Variants in MGMT observed in about 807,000 individuals in gnomAD.
MGMT encodes O-6-methylguanine-DNA methyltransferase, also known as methylated-DNA--protein-cysteine methyltransferase.
In MGMT, 14 loss-of-function variants were observed where a neutral mutation model predicts 15.9. The observed-to-expected ratio is 0.88, with a 90% CI of 0.58 to 1.37. The LOEUF is 1.37. MGMT is among the 40% of genes most tolerant of loss of function. MGMT has a pLI of 0.00. For synonymous variants in MGMT, 130 were observed against 118.2 expected (o/e 1.10, Z -0.65); for missense variants, 282 against 268.1 (o/e 1.05, Z -0.36).
intron 2 of MGMT, among the ~76,000 whole-genome samples, chr10:129,650,034 A>G (rs961879710): frequency 9.9e-5 from 15 of 152,192 alleles, no homozygotes; most frequent in African/African-American, 3.1e-4. Context: ...CTCACTTGAG[A>G]AATATTTTTG....
intron 2 of MGMT, among the ~76,000 whole-genome samples, chr10:129,646,318 A>T (rs889277939): frequency 6.6e-6 from 1 of 152,142 alleles, no homozygotes; most frequent in East Asian, 1.9e-4. Context: ...ACGTTGGCCT[A>T]TGAAGGAAGA....
chr10:129,621,483 G>C (rs893553500), intron 2 of MGMT, among the ~76,000 whole-genome samples: 6 of 152,226 alleles, frequency 3.9e-5, no homozygotes, highest in African/African-American at 1.4e-4. Flanking sequence ...AAAGGGCGCA[G>C]GGGGGTTTAA....
chr10:129,732,512 C>T (rs1176666911), intron 3 of MGMT, among the ~76,000 whole-genome samples: 1 of 151,442 alleles, frequency 6.6e-6, no homozygotes, highest in East Asian at 2.0e-4. Flanking sequence ...GCATGGTATT[C>T]CATAGTGTAC....
At chr10:129,645,657 C>T (rs983314373) in intron 2 of MGMT, among the ~76,000 whole-genome samples, 1 of 152,192 alleles carries the variant, frequency 6.6e-6, no homozygotes, top group African/African-American at 2.4e-5. Context: ...GGTGGTTTTC[C>T]ACTGGGTCTC....
intron 3 of MGMT, among the ~76,000 whole-genome samples, chr10:129,742,848 G>T (rs116485652): frequency 1.8e-5 from 2 of 112,282 alleles, no homozygotes; most frequent in South Asian, 3.0e-4. Flanking sequence ...CAGCAGTGCC[G>T]CACGACTGCA....
intron 1 of MGMT, among the ~76,000 whole-genome samples, chr10:129,480,882 T>C (rs1845350441): frequency 6.6e-6 from 1 of 152,254 alleles, no homozygotes; most frequent in African/African-American, 2.4e-5. Flanking sequence ...GCTTTTGTTC[T>C]AAAATGAAGT....
chr10:129,707,627 A>G (rs903307650), intron 2 of MGMT, among the ~76,000 whole-genome samples: 1 of 152,174 alleles, frequency 6.6e-6, no homozygotes, highest in Non-Finnish European at 1.5e-5. Context: ...AAGTCTTACA[A>G]AGGGACACTG....
At chr10:129,647,534 A>G (rs1847411499) in intron 2 of MGMT, among the ~76,000 whole-genome samples, 1 of 152,166 alleles carries the variant, frequency 6.6e-6, no homozygotes, top group South Asian at 2.1e-4. Flanking sequence ...AAGGGGCCAG[A>G]TACGTTTGGA....
chr10:129,706,438 G>A (rs1450532834), intron 2 of MGMT, among the ~76,000 whole-genome samples: 1 of 152,026 alleles, frequency 6.6e-6, no homozygotes, highest in Non-Finnish European at 1.5e-5. Flanking sequence ...CCCCAAGGCA[G>A]CCCAGGAAGG....
intron 2 of MGMT, among the ~76,000 whole-genome samples, chr10:129,652,032 G>C (rs976446842): frequency 2.6e-5 from 4 of 152,196 alleles, no homozygotes; most frequent in Admixed American, 6.5e-5. Context: ...CTGAGTGCCC[G>C]AGAGGAAAGG....
chr10:129,544,721 C>T (rs1274942760), intron 2 of MGMT, among the ~76,000 whole-genome samples: 2 of 152,236 alleles, frequency 1.3e-5, no homozygotes, highest in African/African-American at 4.8e-5. Context: ...TTGCCTGCCT[C>T]TCGGTCCCCT....
At chr10:129,473,338 G>A (rs535678036) in intron 1 of MGMT, among the ~76,000 whole-genome samples, 1 of 152,336 alleles carries the variant, frequency 6.6e-6, no homozygotes, top group African/African-American at 2.4e-5. Flanking sequence ...TTAATCTCCT[G>A]TCATGGTTCA....
chr10:129,571,296 T>G lies in MGMT; in HGVS notation c.125+34919T>G, dbSNP rs148517827. Among the ~76,000 whole-genome samples, 887 of 152,324 alleles carry G rather than the reference T, an allele frequency of 5.8e-3. 3 individuals are homozygous for G. Among genetic ancestry groups the G allele is most frequent in the Non-Finnish European group, 8.6e-3 (585 of 68,034 alleles). On this transcript the variant is annotated intron_variant, in intron 2 of 4. Coordinates refer to ENST00000651593, the MANE Select transcript of MGMT (RefSeq NM_002412.5). Reference sequence around the variant, plus strand: ...CTTAAATGATACAGGCGATATTTCCTGTAATAAACACCCCTAAGTCTAATG... The same window carrying G: ...CTTAAATGATACAGGCGATATTTCCGGTAATAAACACCCCTAAGTCTAATG...
In MGMT at chr10:129,543,240, T is replaced by C. The variant is rs190761513; in HGVS notation, c.125+6863T>C. On this transcript the variant is annotated intron_variant, in intron 2 of 4. Transcript: ENST00000651593. ...TAAAATAAAGGGAAGCAGCATAACA[T>C]ATGCTTTTAAGTGAGGGTATGGCGT... 1.4e-3 allele frequency among the ~76,000 whole-genome samples: 220 copies of C among 151,938 alleles called. 1 individual carries two copies. Among genetic ancestry groups the C allele is most frequent in the African/African-American group, 5.0e-3 (206 of 41,466 alleles).
In MGMT at chr10:129,487,935, G is replaced by GTA. The variant is rs1233041323; in HGVS notation, c.-13+20648_-13+20649dup. On this transcript the variant is annotated intron_variant, in intron 1 of 4. Transcript: ENST00000651593. Reference sequence around the variant, plus strand: ...GGGGTGTGTGTGTGTGTGTGTGTGTGTATATATATACACACACAAACACAC... The same window carrying GTA: ...GGGGTGTGTGTGTGTGTGTGTGTGTGTATATATATATACACACACAAACACAC... Among the ~76,000 whole-genome samples, 438 of 144,222 alleles carry GTA rather than the reference G, an allele frequency of 3.0e-3. 4 individuals carry two copies. The highest frequency in any genetic ancestry group is 8.9e-3 in the African/African-American group (345 of 38,788). 94.6% of individuals were successfully genotyped at this position (144,222 alleles called of 152,430 possible).
In MGMT at chr10:129,560,623, A is replaced by G. The variant is rs541039697; in HGVS notation, c.125+24246A>G. Among the ~76,000 whole-genome samples, 11 of 152,332 alleles carry G rather than the reference A, an allele frequency of 7.2e-5. 1 individual carries two copies. The South Asian group carries it at 2.1e-3, about 29-fold the overall frequency. Reference sequence around the variant, plus strand: ...CCTACTGTGTACACAGAATCTAGACATTTCACATTGAATTATCTGAGTATT... The same window carrying G: ...CCTACTGTGTACACAGAATCTAGACGTTTCACATTGAATTATCTGAGTATT... On this transcript the variant is annotated intron_variant, in intron 2 of 4. Transcript: ENST00000651593.
chr10:129,514,892 C>T (rs1390323237), intron 1 of MGMT, among the ~76,000 whole-genome samples: 1 of 152,236 alleles, frequency 6.6e-6, no homozygotes, highest in Admixed American at 6.5e-5. Flanking sequence ...TGGCCTAACA[C>T]AGTGAGCATG....
At chr10:129,540,410 G>T (rs189426901) in intron 2 of MGMT, among the ~76,000 whole-genome samples, 1 of 152,308 alleles carries the variant, frequency 6.6e-6, no homozygotes, top group East Asian at 1.9e-4. Context: ...GATGACTTCA[G>T]TAAGTGTGGT....
chr10:129,638,315 A>G (rs1847284856), intron 2 of MGMT, among the ~76,000 whole-genome samples: 1 of 151,838 alleles, frequency 6.6e-6, no homozygotes, highest in African/African-American at 2.4e-5. Flanking sequence ...GATGTCTCCC[A>G]TCTTACATTC....
Sources: gnomAD v4.1 joint callset for allele counts (sites outside exome capture counted in the v4.1 genomes callset) on GRCh38, gnomAD v4.1.1 for gene constraint, MANE v1.5 for transcripts, NCBI Gene and HGNC (gene_info 2026-07-23, HGNC 2026-07-21) for gene names.